Variants in NELL2 observed in about 807,000 individuals in gnomAD.
NELL2 encodes the protein protein kinase C-binding protein NELL2.
In NELL2, 41 loss-of-function variants were observed where a neutral mutation model predicts 109.6. The ratio of observed to expected loss-of-function variants is 0.37; its 90% CI spans 0.29 to 0.49. NELL2 has a LOEUF of 0.49. Among genes scored for constraint, NELL2 ranks in the 20% least tolerant of loss-of-function variants. The pLI is 0.98. For missense variants in NELL2, 900 were observed against 1,008.3 expected (o/e 0.89, Z 1.45); for synonymous variants, 355 against 344.7 (o/e 1.03, Z -0.33).
intron 2 of NELL2, among the ~76,000 whole-genome samples, chr12:44,836,883 A>G (rs1220963039): frequency 6.6e-6 from 1 of 152,172 alleles, no homozygotes; most frequent in Non-Finnish European, 1.5e-5. Flanking sequence ...AAGAAGGAGC[A>G]TTGTATTTTG....
In NELL2 at chr12:44,846,511, C is replaced by G. The variant is rs576236793; in HGVS notation, c.184+28714G>C. On this transcript the variant is annotated intron_variant, in intron 2 of 19. Coordinates refer to ENST00000429094, the MANE Select transcript of NELL2 (RefSeq NM_001145108.2). Reference sequence around the variant, plus strand: ...CTGGAACCATTATCATTTGTCATGTCAATAATGTTGCTACTGCACCCTATT... The same window carrying G: ...CTGGAACCATTATCATTTGTCATGTGAATAATGTTGCTACTGCACCCTATT... 3.3e-5 allele frequency among the ~76,000 whole-genome samples: 5 copies of G among 152,294 alleles called. No homozygotes were observed. In the South Asian group the frequency reaches 1.0e-3, roughly 32 times the overall value.
At chr12:44,757,245 T>C (rs1209719246) in intron 9 of NELL2, among the ~76,000 whole-genome samples, 2 of 152,164 alleles carry the variant, frequency 1.3e-5, no homozygotes, top group Admixed American at 1.3e-4. Context: ...CCTCAAACTG[T>C]AGCCTCTCTG....
rs1432912399 is a variant in NELL2 at position 44,714,695 on chromosome 12, A to G, written c.1041T>C (p.Asn347=). The G allele has an allele frequency of 6.2e-7, 1 of 1,604,364 alleles. No individual in the cohort carries two copies. The highest frequency in any genetic ancestry group is 1.7e-5 in the Admixed American group (1 of 57,708). ...ATACTCCAGAAGAGGAATAGACTGT[A>G]TTTCTTTCTCCTTCAAAGTAGGTTC... ...QGRTYFEGER[N]TVYSSSGVCV... The change falls in exon 10 of 20, where the codon AAT becomes AAC. Residue 347 remains asparagine, a synonymous_variant. Coordinates refer to ENST00000429094, the MANE Select transcript of NELL2 (RefSeq NM_001145108.2).
At chr12:44,547,690 A>T (rs372059887) in intron 15 of NELL2, among the ~76,000 whole-genome samples, 3 of 152,192 alleles carry the variant, frequency 2.0e-5, no homozygotes, top group East Asian at 3.9e-4. Flanking sequence ...CTCCTTACAT[A>T]AATTAATGTC....
intron 17 of NELL2, 130 bp downstream of exon 17, chr12:44,523,161 T>C: frequency 2.2e-6 from 2 of 904,744 alleles, no homozygotes; most frequent in Non-Finnish European, 3.4e-6. Flanking sequence ...GGAAGTGTTC[T>C]GTTATATTAA....
chr12:44,513,866 C>T (rs763758778), intron 19 of NELL2, among the ~76,000 whole-genome samples: 2 of 150,972 alleles, frequency 1.3e-5, no homozygotes, highest in Non-Finnish European at 3.0e-5. Context: ...TGTGAAAAAA[C>T]GATGGCTCAA....
In NELL2 at chr12:44,801,040, C is replaced by T. The variant is rs1942811366; in HGVS notation, c.335+14946G>A. 3.3e-5 allele frequency among the ~76,000 whole-genome samples: 5 copies of T among 152,230 alleles called. No homozygotes were observed. The South Asian group carries it at 1.0e-3, about 32-fold the overall frequency. On this transcript the variant is annotated intron_variant, in intron 3 of 19. Transcript: ENST00000429094. ...ATTTTGATTGTAGTGAGCATATTAC[C>T]TCAGGAGTTCCCAACTGAAATGGTT...
chr12:44,564,027 T>C (rs558972650), intron 15 of NELL2, among the ~76,000 whole-genome samples: 1 of 152,322 alleles, frequency 6.6e-6, no homozygotes, highest in East Asian at 1.9e-4. Context: ...AATAGGATGA[T>C]AACACATTTC....
intron 9 of NELL2, among the ~76,000 whole-genome samples, chr12:44,745,027 T>C (rs1216090862): frequency 6.6e-6 from 1 of 152,214 alleles, no homozygotes; most frequent in Non-Finnish European, 1.5e-5. Context: ...CCAATATCCT[T>C]GATGAACATC....
intron 16 of NELL2, 161 bp downstream of exon 16, chr12:44,532,420 T>C: frequency 1.7e-6 from 1 of 579,852 alleles, no homozygotes; most frequent in African/African-American, 1.9e-5. Context: ...GATACCATAA[T>C]TAGCAAGAAA....
intron 19 of NELL2, among the ~76,000 whole-genome samples, chr12:44,510,745 C>T (rs1356138148): frequency 6.6e-6 from 1 of 152,172 alleles, no homozygotes; most frequent in East Asian, 1.9e-4. Flanking sequence ...CTAACATATT[C>T]CTAGAGACAG....
chr12:44,779,319 A>G (rs1346293298), intron 5 of NELL2, among the ~76,000 whole-genome samples: 1 of 152,200 alleles, frequency 6.6e-6, no homozygotes, highest in East Asian at 1.9e-4. Flanking sequence ...ATCTTTGTAA[A>G]AGTATCATCA....
intron 13 of NELL2, among the ~76,000 whole-genome samples, chr12:44,649,961 AC>A (rs2136314679): frequency 6.6e-6 from 1 of 152,302 alleles, no homozygotes; most frequent in East Asian, 1.9e-4. Flanking sequence ...GGGTAATACC[AC>A]TAATTACAAT....
chr12:44,786,071 T>C (rs1353722171), intron 3 of NELL2, among the ~76,000 whole-genome samples: 1 of 152,080 alleles, frequency 6.6e-6, no homozygotes, highest in Non-Finnish European at 1.5e-5. Flanking sequence ...CCAAAGAAAC[T>C]ATCATCAGAG....
chr12:44,713,090 T>C (rs1938294595), intron 10 of NELL2, among the ~76,000 whole-genome samples: 1 of 151,460 alleles, frequency 6.6e-6, no homozygotes, highest in Non-Finnish European at 1.5e-5. Flanking sequence ...TAATAGCAAA[T>C]TTAAAATCCA....
chr12:44,623,531 G>C (rs1946132689), intron 13 of NELL2, among the ~76,000 whole-genome samples: 1 of 151,956 alleles, frequency 6.6e-6, no homozygotes, highest in Non-Finnish European at 1.5e-5. Context: ...ATCTCACTCA[G>C]AATCATTCAC....
At chr12:44,532,852 A>C in intron 15 of NELL2, 131 bp from the exon 16 acceptor site, 1 of 826,910 alleles carries the variant, frequency 1.2e-6, no homozygotes, top group Non-Finnish European at 1.8e-6. Context: ...AAATTAAGAA[A>C]GTCTACTTGT....
At chr12:44,652,700 C>T in intron 13 of NELL2, among the ~76,000 whole-genome samples, 1 of 152,270 alleles carries the variant, frequency 6.6e-6, no homozygotes, top group South Asian at 2.1e-4. Context: ...CTATTGTTGC[C>T]ATAACAAATT....
At chr12:44,541,250 C>CAAAAAAAAAAAAAA (rs3071951) in intron 15 of NELL2, among the ~76,000 whole-genome samples, 4 of 78,874 alleles carry the variant, frequency 5.1e-5, no homozygotes, top group Admixed American at 1.7e-4. Context: ...GACTCCATCT[C>CAAAAAAAAAAAAAA]AAAAAAAAAA....
Sources: allele counts gnomAD v4.1 joint callset (sites outside exome capture counted in the v4.1 genomes callset), GRCh38; gene constraint gnomAD v4.1.1; transcripts MANE v1.5; gene names NCBI Gene and HGNC (gene_info 2026-07-23, HGNC 2026-07-21).